Variants in FBXO7 observed in about 807,000 individuals in gnomAD.
FBXO7 encodes F-box only protein 7.
Under a neutral mutation model 50.2 loss-of-function variants are expected in FBXO7, and 31 were observed. The ratio of observed to expected loss-of-function variants is 0.62; its 90% CI spans 0.46 to 0.83. The LOEUF (loss-of-function observed/expected upper bound fraction) is 0.83, where lower values mean the gene tolerates loss of function less well. FBXO7 is among the 40% of genes least tolerant of loss of function. FBXO7 has a pLI of 0.00. For synonymous variants in FBXO7, 256 were observed against 253.1 expected, an observed-to-expected ratio of 1.01 and a Z score of -0.11; for missense variants, 667 against 646.6, an observed-to-expected ratio of 1.03 and a Z score of -0.34.
chr22:32,486,134 G>A (rs5749447), intron 4 of FBXO7, among the ~76,000 whole-genome samples: 63,270 of 151,876 alleles, frequency 0.42, 13,679 homozygotes, highest in East Asian at 0.69. Flanking sequence ...TGAGATGAAA[G>A]TTAGGTAGAA....
chr22:32,498,653 A>G lies in FBXO7; in HGVS notation c.*123A>G. 3 of 1,197,468 alleles carry G rather than the reference A, an allele frequency of 2.5e-6. No individual in the cohort carries two copies. The allele number at this position is 1,197,468 out of a possible 1,614,324, so 74.2% of individuals were successfully genotyped here. On this transcript the variant is annotated 3_prime_UTR_variant, in exon 9 of 9. Coordinates refer to ENST00000266087, the MANE Select transcript of FBXO7 (RefSeq NM_012179.4). ...TTGTGGTGTTGAGAGTTGCACTCCC[A>G]GAAACCTTTTAAGAGATACATTTAT...
intron 4 of FBXO7, 152 bp from the exon 5 acceptor site, chr22:32,487,592 GC>G (rs1418211222): frequency 3.3e-6 from 2 of 611,514 alleles, no homozygotes; most frequent in African/African-American, 3.7e-5. Flanking sequence ...TTTTGAACTT[GC>G]TATCAGAGAA....
chr22:32,491,401 C>G, intron 6 of FBXO7: 1 of 484,876 alleles, frequency 2.1e-6, no homozygotes, highest in Non-Finnish European at 3.7e-6. Context: ...TTTCCATGGA[C>G]TATAATTGTT....
chr22:32,495,671 G>GTT, intron 8 of FBXO7, 141 bp downstream of exon 8: 2 of 450,188 alleles, frequency 4.4e-6, no homozygotes, highest in Non-Finnish European at 7.8e-6. Context: ...AAATGAAAAT[G>GTT]TTTTCAACTT....
chr22:32,482,528 A>G (rs2057471340), intron 2 of FBXO7, among the ~76,000 whole-genome samples: 1 of 152,186 alleles, frequency 6.6e-6, no homozygotes, highest in East Asian at 1.9e-4. Context: ...GAAGCCATGT[A>G]TTACATCTCA....
At chr22:32,477,558 G>A (rs893936183) in intron 1 of FBXO7, among the ~76,000 whole-genome samples, 1 of 152,110 alleles carries the variant, frequency 6.6e-6, no homozygotes, top group Admixed American at 6.5e-5. Flanking sequence ...TTGGGTTTGC[G>A]CTATGTTCCA....
Position 32,487,749 on chromosome 22 carries a change from A to G in FBXO7, c.792A>G (p.Thr264=), listed in dbSNP as rs779008559. ...PLGNLIVVNA[T]LKINNEIRSV... The stretch of plus-strand genomic sequence containing the variant: ...CTTTCTTTTGTTTATTTACAGCTAC[A>G]CTAAAAATCAACAATGAGATTAGAA... Residue 264 remains threonine (T), a synonymous_variant, in exon 5 of 9, where the codon ACA becomes ACG. Coordinates refer to ENST00000266087, the MANE Select transcript of FBXO7 (RefSeq NM_012179.4). 5 of 1,596,856 alleles carry G rather than the reference A, an allele frequency of 3.1e-6. No individual in the cohort carries two copies. The highest frequency in any genetic ancestry group is 2.2e-5 in the East Asian group (1 of 44,638).
chr22:32,482,342 C>G (rs1397534354), intron 2 of FBXO7, among the ~76,000 whole-genome samples: 4 of 152,144 alleles, frequency 2.6e-5, no homozygotes, highest in African/African-American at 9.7e-5. Flanking sequence ...GCTGTCACCT[C>G]CGGCTCCCCT....
rs114561949 is a variant in FBXO7 at position 32,480,341 on chromosome 22, A to C, written c.417+1066A>C. On this transcript the variant is annotated intron_variant, in intron 2 of 8. Transcript: ENST00000266087. The stretch of plus-strand genomic sequence containing the variant: ...TCAAGGCTTTCTGAAAAGTTACTCC[A>C]CTCAACTTTTTTAGGGCTAGTTTCT... Among the ~76,000 whole-genome samples the C allele has an allele frequency of 6.2e-3, 937 of 152,042 alleles. 16 individuals are homozygous for C. Among genetic ancestry groups the C allele is most frequent in the African/African-American group, 0.021 (879 of 41,478 alleles).
intron 1 of FBXO7, chr22:32,475,508 T>C: frequency 7.0e-7 from 1 of 1,420,310 alleles, no homozygotes; most frequent in Non-Finnish European, 9.7e-7. Flanking sequence ...TTGGCTTGGG[T>C]TAAACCTTTC....
rs2057590591 is a variant in FBXO7 at position 32,498,344 on chromosome 22, C to A, written c.1383C>A (p.Ile461=). The change falls in exon 9 of 9, where the codon ATC becomes ATA. Residue 461 remains isoleucine (I), a synonymous_variant. Coordinates refer to ENST00000266087, the MANE Select transcript of FBXO7 (RefSeq NM_012179.4). ...RPTLPYVGDP[I]SSLIPGPGET... ...CACTTCCCTATGTTGGAGACCCAAT[C>A]AGTTCACTCATTCCTGGTCCTGGGG... 2.5e-6 allele frequency: 4 copies of A among 1,614,158 alleles called. No homozygotes were observed. The highest frequency in any genetic ancestry group is 3.4e-6 in the Non-Finnish European group (4 of 1,180,014).
At position 32,478,488 on chromosome 22, in the gene FBXO7, C is replaced by T. The variant is rs1211244737; in HGVS notation, c.123-493C>T. Among the ~76,000 whole-genome samples the T allele has an allele frequency of 5.9e-5, 9 of 152,220 alleles. No homozygotes were observed. In the South Asian group the frequency reaches 1.9e-3, roughly 32 times the overall value. ...TGATAGAGGATTACTGTATCCCGTC[C>T]CCCAGGTGGAGAGTTTTAGCCATTA... On this transcript the variant is annotated intron_variant, in intron 1 of 8. Transcript: ENST00000266087.
At position 32,498,269 on chromosome 22, in the gene FBXO7, C is replaced by T; in HGVS notation, c.1308C>T (p.Ser436=). Residue 436 remains serine, a synonymous_variant, in exon 9 of 9, where the codon AGC becomes AGT. Coordinates refer to ENST00000266087, the MANE Select transcript of FBXO7 (RefSeq NM_012179.4). The part of the protein sequence containing the change: ...PNPLHPRPFP[S]SRLPPGIIGG... ...CCTTGCACCCTAGGCCATTTCCTAG[C>T]TCCCGCCTTCCTCCAGGAATTATCG... The T allele has an allele frequency of 3.7e-6, 6 of 1,614,204 alleles. No homozygotes were observed. The South Asian group carries it at 6.6e-5, about 18-fold the overall frequency.
intron 1 of FBXO7, 92 bp from the exon 2 acceptor site, chr22:32,478,889 G>A (rs1253343385): frequency 1.7e-6 from 2 of 1,205,072 alleles, no homozygotes; most frequent in Admixed American, 3.4e-5. Context: ...TTCTTCTAGG[G>A]TCATACTGTG....
At chr22:32,497,130 C>G (rs976135571) in intron 8 of FBXO7, among the ~76,000 whole-genome samples, 2 of 152,132 alleles carry the variant, frequency 1.3e-5, no homozygotes, top group Admixed American at 1.3e-4. Flanking sequence ...TTGCTTCTTA[C>G]GGATAAAGAG....
In FBXO7 at chr22:32,475,366, C is replaced by T. The variant is rs201862756; in HGVS notation, c.122+242C>T. 3.5e-5 allele frequency: 57 copies of T among 1,610,230 alleles called. 3 individuals carry two copies. The African/African-American group carries it at 7.0e-4, about 20-fold the overall frequency. ...GGGGTCCGGCTCCTGGAGAACATGG[C>T]CCGGCCTCCCGGGGGCTCTGGTCCC... On this transcript the variant is annotated intron_variant, in intron 1 of 8. Transcript: ENST00000266087.
chr22:32,483,141 C>A (rs2057475606), intron 2 of FBXO7, among the ~76,000 whole-genome samples: 1 of 152,150 alleles, frequency 6.6e-6, no homozygotes, highest in South Asian at 2.1e-4. Context: ...GAGATGGTGT[C>A]ACAGGGATGT....
chr22:32,498,293 C>CG lies in FBXO7; in HGVS notation c.1337dup (p.Glu447Ter), dbSNP rs1568981215. The CG allele has an allele frequency of 6.2e-7, 1 of 1,614,132 alleles. No homozygotes were observed. The highest frequency in any genetic ancestry group is 1.1e-5 in the South Asian group (1 of 91,080). ...GCTCCCGCCTTCCTCCAGGAATTATCGGGGGTGAATATGACCAAAGACCAA... is the reference window on the plus strand; with the variant it reads ...GCTCCCGCCTTCCTCCAGGAATTATCGGGGGGTGAATATGACCAAAGACCAA... On this transcript the variant is annotated frameshift_variant, in exon 9 of 9. Transcript: ENST00000266087. LOFTEE classifies it high-confidence loss of function.
chr22:32,485,345 C>T, intron 4 of FBXO7, 136 bp downstream of exon 4: 1 of 1,108,526 alleles, frequency 9.0e-7, no homozygotes, highest in Non-Finnish European at 1.4e-6. Context: ...AATTCCTAGG[C>T]CACTGATAAC....
Sources: gnomAD v4.1 joint callset for allele counts (sites outside exome capture counted in the v4.1 genomes callset) on GRCh38, gnomAD v4.1.1 for gene constraint, MANE v1.5 for transcripts, NCBI Gene and HGNC (gene_info 2026-07-23, HGNC 2026-07-21) for gene names.